Variants in FGF14 observed in about 807,000 individuals in gnomAD.
FGF14 encodes fibroblast growth factor homologous factor 4.
FGF14 carries 5 observed loss-of-function variants against 25.5 expected under a neutral mutation model. That is an observed-to-expected ratio of 0.20 (90% CI 0.10 to 0.41). The LOEUF is 0.41. Ranked by LOEUF, FGF14 falls within the 10% of genes least tolerant of loss-of-function variation. The pLI is 1.00. For synonymous variants in FGF14, 138 were observed against 118.3 expected, an observed-to-expected ratio of 1.17 and a Z score of -1.08; for missense variants, 222 against 320.1, an observed-to-expected ratio of 0.69 and a Z score of 2.34.
At chr13:102,351,454 T>C (rs1471659559) in intron 1 of FGF14, among the ~76,000 whole-genome samples, 1 of 152,230 alleles carries the variant, frequency 6.6e-6, no homozygotes, top group Non-Finnish European at 1.5e-5. Flanking sequence ...GTATTTAAAT[T>C]GAATTAAACA....
intron 3 of FGF14, among the ~76,000 whole-genome samples, chr13:101,865,711 A>C (rs2044665082): frequency 6.6e-6 from 1 of 152,122 alleles, no homozygotes; most frequent in Non-Finnish European, 1.5e-5. Context: ...ATAAAAATAG[A>C]GGAAGATACA....
At chr13:102,202,099 C>T (rs1024635423) in intron 1 of FGF14, among the ~76,000 whole-genome samples, 8 of 152,194 alleles carry the variant, frequency 5.3e-5, no homozygotes, top group African/African-American at 1.9e-4. Context: ...TCCCCCTTCG[C>T]CTTCACCGCG....
intron 1 of FGF14, among the ~76,000 whole-genome samples, chr13:101,992,887 AAGAG>A (rs1316730931): frequency 6.6e-6 from 1 of 151,986 alleles, no homozygotes; most frequent in African/African-American, 2.4e-5. Context: ...AAGGAGAAGA[AAGAG>A]AGAAAAGAAC....
intron 1 of FGF14, among the ~76,000 whole-genome samples, chr13:101,939,732 C>T (rs2035321130): frequency 6.6e-6 from 1 of 152,154 alleles, no homozygotes; most frequent in East Asian, 1.9e-4. Context: ...TCCGTCTGAA[C>T]CAGTCTCACT....
intron 3 of FGF14, among the ~76,000 whole-genome samples, chr13:101,836,201 G>A (rs1455530216): frequency 6.6e-6 from 1 of 151,994 alleles, no homozygotes; most frequent in Non-Finnish European, 1.5e-5. Context: ...GAGAACAAGA[G>A]AACAAGCTGG....
intron 1 of FGF14, among the ~76,000 whole-genome samples, chr13:102,156,102 C>A (rs932241919): frequency 6.6e-6 from 1 of 152,194 alleles, no homozygotes; most frequent in African/African-American, 2.4e-5. Context: ...TGGTACCATT[C>A]TTTCTGAAAC....
At chr13:101,988,695 G>A (rs2038727630) in intron 1 of FGF14, among the ~76,000 whole-genome samples, 1 of 140,534 alleles carries the variant, frequency 7.1e-6, no homozygotes, top group Non-Finnish European at 1.6e-5. Flanking sequence ...ATCACACACT[G>A]GGGCCTGTTG....
rs949255363 is a variant in FGF14 at position 101,935,815 on chromosome 13, G to A, written c.209-60519C>T. On this transcript the variant is annotated intron_variant, in intron 1 of 4. Transcript: ENST00000376131. Reference sequence around the variant, plus strand: ...GAGATGTTCTATCCATCCAGCAAATGTCTCTTTTCTCCACAGAGCTTCTAA... The same window carrying A: ...GAGATGTTCTATCCATCCAGCAAATATCTCTTTTCTCCACAGAGCTTCTAA... Among the ~76,000 whole-genome samples, 6 of 152,144 alleles carry A rather than the reference G, an allele frequency of 3.9e-5. No individual in the cohort carries two copies. The South Asian group carries it at 1.0e-3, about 26-fold the overall frequency.
At chr13:102,069,340 A>C (rs1305243829) in intron 1 of FGF14, among the ~76,000 whole-genome samples, 3 of 152,148 alleles carry the variant, frequency 2.0e-5, no homozygotes, top group Admixed American at 6.6e-5. Context: ...CCTGTCAAAA[A>C]AGGCCACTCG....
chr13:102,277,009 G>A (rs949119051), intron 1 of FGF14, among the ~76,000 whole-genome samples: 3 of 152,146 alleles, frequency 2.0e-5, no homozygotes, highest in Admixed American at 1.3e-4. Flanking sequence ...AAAGATGATG[G>A]AAGGATTAAT....
At chr13:102,259,847 C>G (rs16960002) in intron 1 of FGF14, among the ~76,000 whole-genome samples, 4,656 of 152,270 alleles carry the variant, frequency 0.031, 217 homozygotes, top group African/African-American at 0.11. Flanking sequence ...AGTACTGTTT[C>G]TATGACACCC....
intron 3 of FGF14, among the ~76,000 whole-genome samples, chr13:101,836,842 A>G (rs547981529): frequency 6.6e-6 from 1 of 152,192 alleles, no homozygotes; most frequent in Admixed American, 6.6e-5. Flanking sequence ...CACCATTTTG[A>G]TGCCACTGGA....
intron 1 of FGF14, among the ~76,000 whole-genome samples, chr13:102,330,858 T>G (rs1343509417): frequency 6.6e-6 from 1 of 152,208 alleles, no homozygotes; most frequent in Non-Finnish European, 1.5e-5. Context: ...GAAAGTGCCA[T>G]GAAATCAGGA....
At chr13:102,185,854 A>G (rs545186183) in intron 1 of FGF14, among the ~76,000 whole-genome samples, 3 of 152,200 alleles carry the variant, frequency 2.0e-5, no homozygotes, top group Non-Finnish European at 4.4e-5. Context: ...ATATGAGATA[A>G]TACATGTGGA....
chr13:102,133,370 GACTT>G (rs1181090607), intron 1 of FGF14, among the ~76,000 whole-genome samples: 8 of 152,120 alleles, frequency 5.3e-5, no homozygotes, highest in African/African-American at 1.9e-4. Context: ...AAGAAAATCA[GACTT>G]ACGAATGTCT....
chr13:102,091,045 A>G (rs1219461932), intron 1 of FGF14, among the ~76,000 whole-genome samples: 1 of 152,236 alleles, frequency 6.6e-6, no homozygotes, highest in African/African-American at 2.4e-5. Context: ...TCTTAAATCA[A>G]TGTAATATGT....
intron 3 of FGF14, among the ~76,000 whole-genome samples, chr13:101,792,613 ATTG>A (rs1318905489): frequency 3.3e-5 from 5 of 152,162 alleles, no homozygotes; most frequent in African/African-American, 1.2e-4. Context: ...AAAAATATAA[ATTG>A]TTGTTAGTTG....
chr13:101,879,490 G>A (rs2045578993), intron 1 of FGF14, among the ~76,000 whole-genome samples: 1 of 152,158 alleles, frequency 6.6e-6, no homozygotes. Context: ...TTAGAAATGA[G>A]TTCAATTAAA....
At chr13:101,737,283 T>C (rs1162268949) in intron 3 of FGF14, among the ~76,000 whole-genome samples, 1 of 151,872 alleles carries the variant, frequency 6.6e-6, no homozygotes, top group Non-Finnish European at 1.5e-5. Flanking sequence ...GGAGTGGAGG[T>C]GAAGGAAGAT....
Sources: gnomAD v4.1 joint callset for allele counts (sites outside exome capture counted in the v4.1 genomes callset) on GRCh38, gnomAD v4.1.1 for gene constraint, MANE v1.5 for transcripts, NCBI Gene and HGNC (gene_info 2026-07-23, HGNC 2026-07-21) for gene names.